EHD4: variants seen among roughly 807,000 people sequenced by gnomAD.
The protein encoded by EHD4 is EH domain-containing protein 4.
A neutral mutation model predicts 51.0 loss-of-function variants in EHD4; 37 were observed. The ratio of observed to expected loss-of-function variants is 0.73; its 90% CI spans 0.56 to 0.95. The LOEUF (loss-of-function observed/expected upper bound fraction) is 0.95, where lower values mean the gene tolerates loss of function less well. Among genes scored for constraint, EHD4 ranks in the 40% least tolerant of loss-of-function variants. The pLI, the probability that EHD4 is intolerant of heterozygous loss-of-function variation, is 0.00. For missense variants in EHD4, 632 were observed against 733.1 expected (o/e 0.86, Z 1.59); for synonymous variants, 297 against 317.3 (o/e 0.94, Z 0.68).
At chr15:41,922,552 T>C (rs1233510419) in intron 3 of EHD4, among the ~76,000 whole-genome samples, 1 of 152,216 alleles carries the variant, frequency 6.6e-6, no homozygotes, top group Non-Finnish European at 1.5e-5. Flanking sequence ...AACCCTGCCG[T>C]GCTTGTGCCA....
rs149243465 is a variant in EHD4 at position 41,972,279 on chromosome 15, G to A, written c.216C>T (p.Thr72=). 3.8e-6 allele frequency: 6 copies of A among 1,583,544 alleles called. No individual in the cohort carries two copies. In the African/African-American group the frequency reaches 4.2e-5, roughly 11 times the overall value. Residue 72 remains threonine, a synonymous_variant, in exon 1 of 6, where the codon ACC becomes ACT. Transcript: ENST00000220325. ...PMILLVGQYS[T]GKTTFIRYLL... ...GGTACCTGATGAAGGTGGTCTTGCC[G>A]GTGCTGTACTGGCCCACCAGCAGGA... is the stretch of plus-strand genomic sequence containing the variant.
chr15:41,958,827 A>G (rs1036850283), intron 1 of EHD4, among the ~76,000 whole-genome samples: 3 of 152,118 alleles, frequency 2.0e-5, no homozygotes, highest in Admixed American at 1.3e-4. Context: ...GGCAGGTACT[A>G]TTTCTATCCC....
chr15:41,924,228 T>C (rs992887738), intron 3 of EHD4, among the ~76,000 whole-genome samples: 7 of 152,296 alleles, frequency 4.6e-5, no homozygotes, highest in Admixed American at 1.3e-4. Flanking sequence ...CTGGTCTCTT[T>C]CATTAGATTA....
At chr15:41,938,402 C>T (rs1704402) in intron 3 of EHD4, among the ~76,000 whole-genome samples, 5,503 of 152,224 alleles carry the variant, frequency 0.036, 300 homozygotes, top group African/African-American at 0.12. Flanking sequence ...TGTTATTGCC[C>T]GTCATGTTAC....
At chr15:41,954,305 C>T (rs1352812802) in intron 1 of EHD4, among the ~76,000 whole-genome samples, 1 of 152,150 alleles carries the variant, frequency 6.6e-6, no homozygotes, top group African/African-American at 2.4e-5. Context: ...TGCAAGGTGT[C>T]TGAGCTGATG....
intron 3 of EHD4, among the ~76,000 whole-genome samples, chr15:41,935,671 C>T (rs12913835): frequency 0.48 from 73,210 of 152,068 alleles, 18,929 homozygotes; most frequent in East Asian, 0.62. Flanking sequence ...GTTAACAGCA[C>T]GCACTCTGGA....
intron 5 of EHD4, among the ~76,000 whole-genome samples, 168 bp from the exon 6 acceptor site, chr15:41,901,349 G>A (rs576860682): frequency 1.1e-3 from 175 of 152,348 alleles, no homozygotes; most frequent in African/African-American, 3.9e-3. Flanking sequence ...ATATAGGAGT[G>A]GTTGTTTTGG....
At chr15:41,934,309 G>GTT (rs145906559) in intron 3 of EHD4, among the ~76,000 whole-genome samples, 79 of 140,340 alleles carry the variant, frequency 5.6e-4, no homozygotes, top group Non-Finnish European at 6.6e-4. Flanking sequence ...GTGCCAGGAA[G>GTT]TTTTTTTTTT....
intron 2 of EHD4, among the ~76,000 whole-genome samples, chr15:41,949,380 T>A (rs1026561699): frequency 3.3e-5 from 5 of 151,304 alleles, no homozygotes; most frequent in African/African-American, 7.3e-5. Flanking sequence ...AAAAAAATAA[T>A]AATAATAAAA....
chr15:41,948,940 A>C (rs1326259808), intron 2 of EHD4, among the ~76,000 whole-genome samples: 7 of 149,690 alleles, frequency 4.7e-5, no homozygotes, highest in Non-Finnish European at 1.0e-4. Context: ...AGGTGGGAGG[A>C]TTGCTGGAGC....
At chr15:41,969,801 G>A (rs1448688661) in intron 1 of EHD4, among the ~76,000 whole-genome samples, 1 of 152,176 alleles carries the variant, frequency 6.6e-6, no homozygotes, top group Non-Finnish European at 1.5e-5. Flanking sequence ...TTTATTGCCA[G>A]TCAAAGGCAG....
chr15:41,963,419 C>CA (rs1265103430), intron 1 of EHD4, among the ~76,000 whole-genome samples: 1 of 151,176 alleles, frequency 6.6e-6, no homozygotes, highest in Admixed American at 6.6e-5. Flanking sequence ...GTTAACATGG[C>CA]AAAACCTTGT....
chr15:41,943,069 C>A lies in EHD4; in HGVS notation c.509G>T (p.Arg170Leu). The change falls in exon 3 of 6, where the codon CGA becomes CTA. Residue 170 changes from arginine (R) to leucine (L), a missense_variant and splice_region_variant. Arg to Leu is a moderately radical substitution (Grantham distance 102). Transcript: ENST00000220325. ...GAGGGGCAGGGACAGGCACTGACCT[C>A]GGCTGATGCGCTGCTTCTCCCCAGA... ...ILSGEKQRIS[R>L]GYDFCQVLQW... 1 of 1,570,412 alleles carries A rather than the reference C, an allele frequency of 6.4e-7. No homozygotes were observed. Among genetic ancestry groups the A allele is most frequent in the Non-Finnish European group, 8.6e-7 (1 of 1,157,194 alleles).
At chr15:41,972,211 G>A in intron 1 of EHD4, 48 bp downstream of exon 1, 1 of 1,451,136 alleles carries the variant, frequency 6.9e-7, no homozygotes, top group Non-Finnish European at 9.2e-7. Context: ...GCGCACACGT[G>A]GGGAGGGCGG....
chr15:41,952,995 C>CT (rs1318385897), intron 2 of EHD4, among the ~76,000 whole-genome samples: 6 of 97,886 alleles, frequency 6.1e-5, no homozygotes, highest in Non-Finnish European at 1.3e-4. Flanking sequence ...ATCTTCCCCC[C>CT]CGCAAAAAAA....
intron 5 of EHD4, among the ~76,000 whole-genome samples, chr15:41,907,244 G>A (rs916229879): frequency 1.3e-5 from 2 of 152,218 alleles, no homozygotes; most frequent in Non-Finnish European, 2.9e-5. Flanking sequence ...CACAGCTCAG[G>A]CTCTGTATTT....
In EHD4 at chr15:41,972,248, G is replaced by T. The variant is rs1426744151; in HGVS notation, c.236+11C>A. The stretch of plus-strand genomic sequence containing the variant: ...GCGGGGCGGGAGCCGGGCGAGGGGC[G>T]GTGACGGTACCTGATGAAGGTGGTC... On this transcript the variant is annotated intron_variant, in intron 1 of 5. Coordinates refer to ENST00000220325, the MANE Select transcript of EHD4 (RefSeq NM_139265.4). 1.3e-6 allele frequency: 2 copies of T among 1,539,686 alleles called. No individual in the cohort carries two copies. The highest frequency in any genetic ancestry group is 1.2e-5 in the South Asian group (1 of 83,682).
At position 41,900,480 on chromosome 15, in the gene EHD4, G is replaced by T; in HGVS notation, c.*165C>A. Reference sequence around the variant, plus strand: ...TAGAAACTAAGGGAATTTTGGAGGTGAAAGAAGTCATCTAGTTTCCAGTGT... The same window carrying T: ...TAGAAACTAAGGGAATTTTGGAGGTTAAAGAAGTCATCTAGTTTCCAGTGT... On this transcript the variant is annotated 3_prime_UTR_variant, in exon 6 of 6. Coordinates refer to ENST00000220325, the MANE Select transcript of EHD4 (RefSeq NM_139265.4). This position sits in a 1 kb window ranked among gnomAD's most constrained non-coding sequence, Gnocchi z 4.8. 1.4e-6 allele frequency: 1 copy of T among 691,652 alleles called. No individual in the cohort carries two copies. The highest frequency in any genetic ancestry group is 2.3e-6 in the Non-Finnish European group (1 of 425,762). 42.8% of individuals were successfully genotyped at this position (691,652 alleles called of 1,614,324 possible). A position where few individuals can be genotyped will look rare whatever the true frequency, so the allele number is the denominator to read the frequency against.
chr15:41,937,018 C>T (rs937553149), intron 3 of EHD4, among the ~76,000 whole-genome samples: 1 of 152,228 alleles, frequency 6.6e-6, no homozygotes, highest in Admixed American at 6.5e-5. Context: ...GGGATGGACA[C>T]TTTTCTGTCA....
Sources: gnomAD v4.1 joint callset for allele counts (sites outside exome capture counted in the v4.1 genomes callset) on GRCh38, gnomAD v4.1.1 for gene constraint, Gnocchi (gnomAD v3.1) non-coding constraint, MANE v1.5 for transcripts, NCBI Gene and HGNC (gene_info 2026-07-23, HGNC 2026-07-21) for gene names.